CEP112: variants seen among roughly 807,000 people sequenced by gnomAD.
CEP112 encodes the protein centrosomal protein of 112 kDa.
CEP112 carries 127 observed loss-of-function variants against 153.0 expected under a neutral mutation model. That is an observed-to-expected ratio of 0.83 (90% CI 0.72 to 0.96). The LOEUF is 0.96. Among genes scored for constraint, CEP112 ranks in the 40% least tolerant of loss-of-function variants. The pLI is 0.00. For missense variants in CEP112, 1,089 were observed against 1,101.2 expected, an observed-to-expected ratio of 0.99 and a Z score of 0.16; for synonymous variants, 358 against 374.4, an observed-to-expected ratio of 0.96 and a Z score of 0.51.
chr17:66,074,500 A>G (rs1396474253), intron 8 of CEP112, among the ~76,000 whole-genome samples: 4 of 152,172 alleles, frequency 2.6e-5, no homozygotes, highest in Admixed American at 2.6e-4. Context: ...ATGCTCAATG[A>G]ACTCTATGCA....
intron 11 of CEP112, among the ~76,000 whole-genome samples, chr17:66,056,532 C>G (rs2066696131): frequency 5.9e-5 from 9 of 152,170 alleles, no homozygotes. Flanking sequence ...TCTATCCATA[C>G]AACGCAATAT....
intron 4 of CEP112, among the ~76,000 whole-genome samples, chr17:66,146,735 T>G (rs2070934789): frequency 6.6e-6 from 1 of 152,166 alleles, no homozygotes; most frequent in Admixed American, 6.5e-5. Flanking sequence ...ATTTGACAAC[T>G]TTAGAGACCT....
At chr17:65,935,317 A>C (rs542403672) in intron 18 of CEP112, among the ~76,000 whole-genome samples, 1 of 152,364 alleles carries the variant, frequency 6.6e-6, no homozygotes, top group East Asian at 1.9e-4. Flanking sequence ...GTAATACAAT[A>C]ACAGGAGAGA....
chr17:66,159,562 A>C (rs1247929476), intron 4 of CEP112, among the ~76,000 whole-genome samples: 1 of 152,238 alleles, frequency 6.6e-6, no homozygotes, highest in Non-Finnish European at 1.5e-5. Flanking sequence ...AAATCAATAA[A>C]TGTAATCCAT....
intron 24 of CEP112, among the ~76,000 whole-genome samples, chr17:65,685,105 CA>C (rs1218079462): frequency 3.3e-5 from 5 of 152,190 alleles, no homozygotes; most frequent in African/African-American, 1.2e-4. Flanking sequence ...TTGTGCCCCA[CA>C]ATGAGCACAT....
At chr17:65,945,715 C>T (rs982806451) in intron 18 of CEP112, among the ~76,000 whole-genome samples, 2 of 151,974 alleles carry the variant, frequency 1.3e-5, no homozygotes, top group Non-Finnish European at 2.9e-5. Flanking sequence ...GGTGCGATCT[C>T]GGCTCACTGC....
chr17:65,853,224 C>A (rs914998378), intron 20 of CEP112, among the ~76,000 whole-genome samples: 5 of 152,104 alleles, frequency 3.3e-5, no homozygotes, highest in African/African-American at 1.2e-4. Flanking sequence ...CTGTTCCATG[C>A]CTGTCTCCTA....
At position 65,680,942 on chromosome 17, in the gene CEP112, T is replaced by C. The variant is rs72841601; in HGVS notation, c.2697+8187A>G. On this transcript the variant is annotated intron_variant, in intron 24 of 26. Transcript: ENST00000535342. The stretch of plus-strand genomic sequence containing the variant: ...ACAGCATGGGGGAAACTGCCCGCCA[T>C]GATCCAGTCACCTCCCACCAGGTCT... Among the ~76,000 whole-genome samples, 465 of 152,290 alleles carry C rather than the reference T, an allele frequency of 3.1e-3. 1 individual carries two copies. Among genetic ancestry groups the C allele is most frequent in the Admixed American group, 4.2e-3 (65 of 15,304 alleles).
intron 21 of CEP112, 101 bp from the exon 22 acceptor site, chr17:65,750,825 C>T: frequency 1.9e-6 from 2 of 1,035,842 alleles, no homozygotes; most frequent in Non-Finnish European, 3.0e-6. Flanking sequence ...GCCAGCTGCA[C>T]CGCCCTTCTG....
chr17:65,852,401 TC>T (rs1568117222), intron 20 of CEP112, among the ~76,000 whole-genome samples: 1 of 10,438 alleles, frequency 9.6e-5, no homozygotes, highest in African/African-American at 4.7e-4. Context: ...CTCCCTTCCC[TC>T]TCCCTCCCTC....
At chr17:65,878,953 A>G (rs1026343284) in intron 20 of CEP112, among the ~76,000 whole-genome samples, 1 of 152,134 alleles carries the variant, frequency 6.6e-6, no homozygotes, top group Non-Finnish European at 1.5e-5. Flanking sequence ...ATTCTAACAC[A>G]TCTATTCCCC....
At chr17:66,174,089 T>C (rs1309144709) in intron 4 of CEP112, among the ~76,000 whole-genome samples, 5 of 151,912 alleles carry the variant, frequency 3.3e-5, no homozygotes, top group East Asian at 1.9e-4. Flanking sequence ...CCACCACGCC[T>C]GGCTAATTTT....
At chr17:65,774,932 T>C (rs9972954) in intron 21 of CEP112, among the ~76,000 whole-genome samples, 76,732 of 152,028 alleles carry the variant, frequency 0.5, 21,008 homozygotes, top group Non-Finnish European at 0.62. Context: ...GGTTTGCTGC[T>C]CTGCTTCCTC....
chr17:65,971,546 T>C (rs1039803149), intron 17 of CEP112, among the ~76,000 whole-genome samples: 3 of 152,076 alleles, frequency 2.0e-5, no homozygotes, highest in Non-Finnish European at 2.9e-5. Context: ...GTATGTTGCA[T>C]GTATGTTACA....
Position 66,062,970 on chromosome 17 carries a change from T to C in CEP112, c.1067A>G (p.Glu356Gly). The C allele has an allele frequency of 6.5e-7, 1 of 1,543,694 alleles. No individual in the cohort carries two copies. Among genetic ancestry groups the C allele is most frequent in the South Asian group, 1.2e-5 (1 of 81,446 alleles). ...QSTESLNNDW[E>G]KKLHNAVAEM... ...GTATTTTATGTAGCTTACCTTTTTT[T>C]CCCAGTCATTATTTAGAGATTCCGT... is the stretch of plus-strand genomic sequence containing the variant. Residue 356 changes from glutamate to glycine, a missense_variant, in exon 11 of 27, where the codon GAA becomes GGA. Coordinates refer to ENST00000535342, the MANE Select transcript of CEP112 (RefSeq NM_001199165.4).
intron 20 of CEP112, among the ~76,000 whole-genome samples, chr17:65,899,579 T>C (rs1350741526): frequency 2.6e-5 from 4 of 152,144 alleles, no homozygotes; most frequent in Non-Finnish European, 5.9e-5. Context: ...TTAAGGTTGG[T>C]AACTATACTT....
intron 20 of CEP112, among the ~76,000 whole-genome samples, chr17:65,859,350 G>C (rs2058226575): frequency 6.7e-6 from 1 of 149,920 alleles, no homozygotes; most frequent in Non-Finnish European, 1.5e-5. Context: ...TGAGGCAAGA[G>C]AATCGTTTGA....
chr17:66,146,176 A>G (rs959004785), intron 4 of CEP112, among the ~76,000 whole-genome samples: 5 of 152,074 alleles, frequency 3.3e-5, no homozygotes, highest in African/African-American at 2.4e-5. Flanking sequence ...TGTAGGAAAA[A>G]AAACTCAGGG....
At chr17:65,937,090 T>C (rs1240719844) in intron 18 of CEP112, among the ~76,000 whole-genome samples, 1 of 149,016 alleles carries the variant, frequency 6.7e-6, no homozygotes, top group Non-Finnish European at 1.5e-5. Flanking sequence ...GGTGCCAGGA[T>C]TGCAGACAGA....
Sources: allele counts gnomAD v4.1 joint callset (sites outside exome capture counted in the v4.1 genomes callset), GRCh38; gene constraint gnomAD v4.1.1; transcripts MANE v1.5; gene names NCBI Gene and HGNC (gene_info 2026-07-23, HGNC 2026-07-21).